The following CDH9 variants were observed in gnomAD, a reference collection of about 807,000 sequenced individuals.
CDH9 encodes cadherin 9.
Under a neutral mutation model 70.9 loss-of-function variants are expected in CDH9, and 28 were observed. The ratio of observed to expected loss-of-function variants is 0.40; its 90% CI spans 0.29 to 0.54. CDH9 has a LOEUF of 0.54. Ranked by LOEUF, CDH9 falls within the 20% of genes least tolerant of loss-of-function variation. The pLI, the probability that CDH9 is intolerant of heterozygous loss-of-function variation, is 0.59. For synonymous variants in CDH9, 409 were observed against 343.1 expected, an observed-to-expected ratio of 1.19 and a Z score of -2.12; for missense variants, 874 against 984.4, an observed-to-expected ratio of 0.89 and a Z score of 1.50.
At chr5:26,965,479 G>A (rs2112066879) in intron 2 of CDH9, among the ~76,000 whole-genome samples, 1 of 151,800 alleles carries the variant, frequency 6.6e-6, no homozygotes, top group Non-Finnish European at 1.5e-5. Flanking sequence ...GGGAGGCTGA[G>A]GCAGGAGAAT....
At chr5:27,014,616 C>T (rs1023496932) in intron 1 of CDH9, among the ~76,000 whole-genome samples, 2 of 151,552 alleles carry the variant, frequency 1.3e-5, no homozygotes, top group Non-Finnish European at 2.9e-5. Context: ...ATATACACAC[C>T]AAATATGTAC....
At chr5:26,946,617 T>A (rs1741757979) in intron 2 of CDH9, among the ~76,000 whole-genome samples, 1 of 152,148 alleles carries the variant, frequency 6.6e-6, no homozygotes, top group Non-Finnish European at 1.5e-5. Context: ...GTTAAGGGAA[T>A]TAAACAGTGA....
intron 1 of CDH9, among the ~76,000 whole-genome samples, chr5:26,999,073 T>G (rs1742718978): frequency 6.6e-6 from 1 of 151,726 alleles, no homozygotes; most frequent in Admixed American, 6.6e-5. Context: ...GGTGAAATCC[T>G]GTCTCTACTA....
chr5:27,028,371 C>T (rs1743256041), intron 1 of CDH9: 1 of 149,658 alleles, frequency 6.7e-6, no homozygotes, highest in African/African-American at 2.5e-5. Flanking sequence ...AGAATGAGAC[C>T]TGTCTCAAAA....
chr5:27,033,666 A>G (rs1227314171), intron 1 of CDH9, among the ~76,000 whole-genome samples: 2 of 151,680 alleles, frequency 1.3e-5, no homozygotes, highest in East Asian at 3.9e-4. Flanking sequence ...CAATTTTTTT[A>G]TGTGTTCTTT....
chr5:26,916,281 A>T (rs1277769991), intron 2 of CDH9, among the ~76,000 whole-genome samples: 1 of 152,026 alleles, frequency 6.6e-6, no homozygotes, highest in Non-Finnish European at 1.5e-5. Context: ...ATTAATGTTG[A>T]TTACATTTAA....
rs143279021 is a variant in CDH9, at chr5:26,966,918, G to T, written c.228+21188C>A. On this transcript the variant is annotated intron_variant, in intron 2 of 11. Coordinates refer to ENST00000231021, the MANE Select transcript of CDH9 (RefSeq NM_016279.4). ...TCATCTTCTCTCTGCTTTAAAAAAT[G>T]TTTTTAAGTGTATTTATTTATTTAT... Among the ~76,000 whole-genome samples, 1,039 of 151,902 alleles carry T rather than the reference G, an allele frequency of 6.8e-3. 10 individuals are homozygous for T. The highest frequency in any genetic ancestry group is 0.024 in the African/African-American group (975 of 41,448).
rs140101580 is a variant in CDH9, at chr5:26,905,513, A to G, written c.811+446T>C. 2.4e-3 allele frequency among the ~76,000 whole-genome samples: 371 copies of G among 152,266 alleles called. 1 individual carries two copies. The highest frequency in any genetic ancestry group is 4.0e-3 in the Non-Finnish European group (274 of 68,008). ...TTCAGAATCAGTTAGATAAGAGATT[A>G]TAAGTCTGCGTGTAAAACAAGGTAG... is the stretch of plus-strand genomic sequence containing the variant. On this transcript the variant is annotated intron_variant, in intron 5 of 11. Coordinates refer to ENST00000231021, the MANE Select transcript of CDH9 (RefSeq NM_016279.4).
intron 7 of CDH9, among the ~76,000 whole-genome samples, chr5:26,900,870 CCAACCCCTTGTCCTTTAAAA>C: frequency 2.0e-5 from 3 of 152,080 alleles, no homozygotes; most frequent in East Asian, 1.9e-4. Flanking sequence ...ACTGGTATGA[CCAACCCCTTGTCCTTTAAAA>C]AATAGATGAA....
intron 2 of CDH9, among the ~76,000 whole-genome samples, chr5:26,959,415 G>A (rs1741997079): frequency 6.6e-6 from 1 of 152,094 alleles, no homozygotes; most frequent in South Asian, 2.1e-4. Flanking sequence ...AGGCATATAA[G>A]TGGGTGCAAC....
intron 2 of CDH9, among the ~76,000 whole-genome samples, chr5:26,946,823 T>A (rs990771050): frequency 2.0e-5 from 3 of 152,152 alleles, no homozygotes; most frequent in African/African-American, 7.2e-5. Flanking sequence ...AATAAGTAGC[T>A]GTAGGTCAAA....
At chr5:26,899,446 A>G (rs1463776605) in intron 7 of CDH9, among the ~76,000 whole-genome samples, 1 of 151,600 alleles carries the variant, frequency 6.6e-6, no homozygotes, top group African/African-American at 2.4e-5. Flanking sequence ...TAGACTGTAT[A>G]TACACCATGG....
chr5:26,974,609 G>A (rs1000716252), intron 2 of CDH9, among the ~76,000 whole-genome samples: 1 of 152,036 alleles, frequency 6.6e-6, no homozygotes, highest in Non-Finnish European at 1.5e-5. Context: ...ATTGATGGGA[G>A]TATTTTTATA....
intron 1 of CDH9, among the ~76,000 whole-genome samples, chr5:27,017,894 G>T (rs927954606): frequency 1.9e-4 from 28 of 149,558 alleles, no homozygotes; most frequent in Non-Finnish European, 3.7e-4. Flanking sequence ...TAGTAGTGAT[G>T]TAGTACGTAT....
intron 1 of CDH9, among the ~76,000 whole-genome samples, chr5:27,034,272 A>G (rs1413455002): frequency 1.3e-5 from 2 of 151,698 alleles, no homozygotes; most frequent in Non-Finnish European, 3.0e-5. Context: ...TATGCTCTTC[A>G]GAATTGTAAA....
intron 10 of CDH9, 36 bp from the exon 11 acceptor site, chr5:26,885,901 CA>C (rs748575093): frequency 6.9e-6 from 11 of 1,604,820 alleles, no homozygotes; most frequent in Non-Finnish European, 5.1e-6. Context: ...CAAAAACTTT[CA>C]TATTTGTTTT....
intron 2 of CDH9, among the ~76,000 whole-genome samples, chr5:26,972,866 T>A (rs1424583947): frequency 0.01 from 441 of 43,508 alleles, 2 homozygotes; most frequent in African/African-American, 0.033. Context: ...TAAACTCAGA[T>A]TTTTTTTTTT....
At chr5:26,983,575 G>A (rs922343667) in intron 2 of CDH9, among the ~76,000 whole-genome samples, 15 of 152,246 alleles carry the variant, frequency 9.9e-5, no homozygotes, top group Middle Eastern at 3.4e-3. Context: ...TCCTTAAAGC[G>A]TAGTCATAAT....
intron 1 of CDH9, among the ~76,000 whole-genome samples, chr5:26,995,055 T>G (rs1344235880): frequency 6.6e-6 from 1 of 152,208 alleles, no homozygotes; most frequent in Non-Finnish European, 1.5e-5. Context: ...ACTTTTATTA[T>G]CTCTTTCATT....
Sources: allele counts gnomAD v4.1 joint callset (sites outside exome capture counted in the v4.1 genomes callset), GRCh38; gene constraint gnomAD v4.1.1; transcripts MANE v1.5; gene names NCBI Gene and HGNC (gene_info 2026-07-23, HGNC 2026-07-21).